MARCHF6: variants seen among roughly 807,000 people sequenced by gnomAD.
MARCHF6 encodes the protein E3 ubiquitin-protein ligase MARCHF6.
Under a neutral mutation model 133.7 loss-of-function variants are expected in MARCHF6, and 31 were observed. The ratio of observed to expected loss-of-function variants is 0.23; its 90% CI spans 0.17 to 0.31. MARCHF6 has a LOEUF of 0.31. Ranked by LOEUF, MARCHF6 falls within the 10% of genes least tolerant of loss-of-function variation. The pLI is 1.00. For missense variants in MARCHF6, 723 were observed against 1,121.6 expected (o/e 0.64, Z 5.08); for synonymous variants, 395 against 402.5 (o/e 0.98, Z 0.22).
chr5:10,384,046 G>A (rs1158567494), intron 4 of MARCHF6, among the ~76,000 whole-genome samples: 2 of 152,018 alleles, frequency 1.3e-5, no homozygotes, highest in African/African-American at 4.8e-5. Flanking sequence ...ACCACAGATC[G>A]GTGGCAAAAA....
chr5:10,394,077 T>G lies in MARCHF6; in HGVS notation c.767-5T>G. The stretch of plus-strand genomic sequence containing the variant: ...GTAATCTTTAAATTGCAATTATATT[T>G]TCAGATGACATGAATTGGAATGCTT... On this transcript the variant is annotated splice_region_variant and splice_polypyrimidine_tract_variant and intron_variant, in intron 7 of 25. Coordinates refer to ENST00000274140, the MANE Select transcript of MARCHF6 (RefSeq NM_005885.4). 2 of 1,519,414 alleles carry G rather than the reference T, an allele frequency of 1.3e-6. No individual in the cohort carries two copies. Among genetic ancestry groups the G allele is most frequent in the Non-Finnish European group, 1.8e-6 (2 of 1,126,928 alleles). The allele number at this position is 1,519,414 out of a possible 1,614,324, so 94.1% of individuals were successfully genotyped here.
chr5:10,420,810 A>G (rs1168671128), intron 22 of MARCHF6, among the ~76,000 whole-genome samples: 1 of 152,208 alleles, frequency 6.6e-6, no homozygotes, highest in Non-Finnish European at 1.5e-5. Context: ...CTGCCTCATT[A>G]CCAATTACAG....
At chr5:10,370,093 T>TG (rs36025453) in intron 1 of MARCHF6, among the ~76,000 whole-genome samples, 5 of 12,576 alleles carry the variant, frequency 4.0e-4, no homozygotes, top group Non-Finnish European at 1.4e-3. Flanking sequence ...CTTACTGTGA[T>TG]TTTTTTTTTT....
chr5:10,371,272 T>C lies in MARCHF6; in HGVS notation c.20-6526T>C, dbSNP rs149612789. Among the ~76,000 whole-genome samples the C allele has an allele frequency of 7.2e-5, 11 of 152,312 alleles. No individual in the cohort carries two copies. The East Asian group carries it at 1.9e-3, about 27-fold the overall frequency. ...ACCTCAGTTTCCCAAACTATGAGAT[T>C]GGTATTGTGAGGAGTAAGTGACAGA... On this transcript the variant is annotated intron_variant, in intron 1 of 25. Coordinates refer to ENST00000274140, the MANE Select transcript of MARCHF6 (RefSeq NM_005885.4).
intron 1 of MARCHF6, among the ~76,000 whole-genome samples, chr5:10,365,340 G>T (rs148565167): frequency 0.052 from 7,901 of 152,070 alleles, 694 homozygotes; most frequent in African/African-American, 0.18. Flanking sequence ...CGCTCTTGTT[G>T]CCCAGGCTGG....
At chr5:10,376,201 C>T (rs1281385903) in intron 1 of MARCHF6, among the ~76,000 whole-genome samples, 1 of 152,204 alleles carries the variant, frequency 6.6e-6, no homozygotes, top group Non-Finnish European at 1.5e-5. Context: ...TGGGTCCACA[C>T]TGCTTTTATG....
At chr5:10,411,606 G>T in intron 19 of MARCHF6, 69 bp downstream of exon 19, 2 of 1,278,234 alleles carry the variant, frequency 1.6e-6, no homozygotes, top group Non-Finnish European at 1.1e-6. Context: ...AATTGCTGTT[G>T]AGAATTGGTG....
At chr5:10,389,034 A>G (rs909282436) in intron 5 of MARCHF6, among the ~76,000 whole-genome samples, 2 of 152,210 alleles carry the variant, frequency 1.3e-5, no homozygotes, top group Non-Finnish European at 2.9e-5. Context: ...ATATTTTCCT[A>G]GAGGCCATAC....
At chr5:10,401,994 TG>T (rs1289370091) in intron 11 of MARCHF6, 64 bp from the exon 12 acceptor site, 2 of 911,734 alleles carry the variant, frequency 2.2e-6, no homozygotes, top group Non-Finnish European at 3.6e-6. Flanking sequence ...TTGTTTAATA[TG>T]GGAAAACCGG....
intron 1 of MARCHF6, among the ~76,000 whole-genome samples, chr5:10,367,634 C>G (rs1339747513): frequency 6.6e-6 from 1 of 152,100 alleles, no homozygotes; most frequent in Non-Finnish European, 1.5e-5. Context: ...AATTATTGAA[C>G]TGTACTGTTG....
chr5:10,376,669 CAGAT>C (rs960569586), intron 1 of MARCHF6, among the ~76,000 whole-genome samples: 17 of 152,282 alleles, frequency 1.1e-4, no homozygotes, highest in East Asian at 1.9e-4. Flanking sequence ...GGTTAGCACA[CAGAT>C]AGATCTCTCC....
chr5:10,374,886 C>A (rs1411768479), intron 1 of MARCHF6, among the ~76,000 whole-genome samples: 1 of 152,214 alleles, frequency 6.6e-6, no homozygotes, highest in Non-Finnish European at 1.5e-5. Context: ...ACATGAGCAA[C>A]CTTACCTGCT....
At chr5:10,359,044 C>T (rs916966323) in intron 1 of MARCHF6, among the ~76,000 whole-genome samples, 19 of 152,278 alleles carry the variant, frequency 1.2e-4, no homozygotes, top group African/African-American at 4.3e-4. Context: ...TCAAGTGTTG[C>T]TGTTGTTGGA....
intron 25 of MARCHF6, among the ~76,000 whole-genome samples, chr5:10,432,727 A>C (rs977927273): frequency 1.3e-5 from 2 of 152,138 alleles, no homozygotes; most frequent in East Asian, 3.8e-4. Context: ...CATCACATAC[A>C]TAAGTTAGGA....
Position 10,437,142 on chromosome 5 carries a change from G to C in MARCHF6, c.*3458G>C, listed in dbSNP as rs1740686957. The C allele has an allele frequency of 6.6e-6, 1 of 152,238 alleles. No homozygotes were observed. The highest frequency in any genetic ancestry group is 2.1e-4 in the South Asian group (1 of 4,838). The allele number at this position is 152,238 out of a possible 1,614,324, so 9.4% of individuals were successfully genotyped here. On this transcript the variant is annotated 3_prime_UTR_variant, in exon 26 of 26. Transcript: ENST00000274140. ...CGTGAACACACGCACACGTGCAGGA[G>C]AATGTAGTGCCATAAGAACACTGGC...
At chr5:10,399,402 T>A (rs1332373188) in intron 10 of MARCHF6, among the ~76,000 whole-genome samples, 1 of 152,026 alleles carries the variant, frequency 6.6e-6, no homozygotes, top group African/African-American at 2.4e-5. Flanking sequence ...AGAGGCCAGA[T>A]CCCTAGTAGG....
chr5:10,362,255 A>G (rs941076392), intron 1 of MARCHF6, among the ~76,000 whole-genome samples: 1 of 152,186 alleles, frequency 6.6e-6, no homozygotes, highest in Non-Finnish European at 1.5e-5. Flanking sequence ...TTCCCCATTT[A>G]CCAAATATTG....
intron 1 of MARCHF6, among the ~76,000 whole-genome samples, chr5:10,377,411 G>A (rs1736857446): frequency 1.3e-5 from 2 of 152,178 alleles, no homozygotes; most frequent in Non-Finnish European, 2.9e-5. Flanking sequence ...TAGGCTGTTA[G>A]GACTTTAAAC....
intron 1 of MARCHF6, among the ~76,000 whole-genome samples, chr5:10,368,559 G>A (rs1182132563): frequency 6.6e-6 from 1 of 152,118 alleles, no homozygotes; most frequent in East Asian, 1.9e-4. Context: ...GATCACTTAA[G>A]CCCAGGAGTG....
Sources: allele counts gnomAD v4.1 joint callset (sites outside exome capture counted in the v4.1 genomes callset), GRCh38; gene constraint gnomAD v4.1.1; transcripts MANE v1.5; gene names NCBI Gene and HGNC (gene_info 2026-07-23, HGNC 2026-07-21).